Variants in DPH6 observed in about 807,000 individuals in gnomAD.
The protein encoded by DPH6 is diphthine--ammonia ligase.
In DPH6, 33 loss-of-function variants were observed where a neutral mutation model predicts 38.2. The observed-to-expected ratio is 0.86, with a 90% CI of 0.65 to 1.15. The LOEUF is 1.15. Among genes scored for constraint, DPH6 ranks in the 50% most tolerant of loss-of-function variants. DPH6 has a pLI of 0.00. For synonymous variants in DPH6, 108 were observed against 103.0 expected, an observed-to-expected ratio of 1.05 and a Z score of -0.30; for missense variants, 325 against 320.0, an observed-to-expected ratio of 1.02 and a Z score of -0.12.
chr15:35,545,958 C>T (rs1011239514), intron 1 of DPH6, among the ~76,000 whole-genome samples, 161 bp downstream of exon 1: 10 of 149,292 alleles, frequency 6.7e-5, no homozygotes, highest in Non-Finnish European at 1.4e-4. Flanking sequence ...ACATGCGGGC[C>T]GGCAACAGCG....
chr15:35,302,286 G>A (rs1413554028), intron 3 of DPH6, among the ~76,000 whole-genome samples: 1 of 152,016 alleles, frequency 6.6e-6, no homozygotes, highest in Non-Finnish European at 1.5e-5. Flanking sequence ...CCAATTACTA[G>A]CAATCTCTTT....
At chr15:35,283,353 G>A (rs1438455109) in intron 3 of DPH6, among the ~76,000 whole-genome samples, 3 of 151,724 alleles carry the variant, frequency 2.0e-5, no homozygotes, top group East Asian at 1.9e-4. Context: ...CACCCAGGCT[G>A]GAGTGCAATT....
At chr15:35,346,080 G>T (rs901855333) in intron 3 of DPH6, among the ~76,000 whole-genome samples, 1 of 151,912 alleles carries the variant, frequency 6.6e-6, no homozygotes, top group Non-Finnish European at 1.5e-5. Context: ...TCCTTGAGTG[G>T]CCCTGTTCAA....
chr15:35,360,932 G>A (rs1269763562), intron 3 of DPH6, among the ~76,000 whole-genome samples: 1 of 152,182 alleles, frequency 6.6e-6, no homozygotes, highest in Admixed American at 6.5e-5. Flanking sequence ...CAGGTCCTTG[G>A]GTAGGCAGGA....
At chr15:35,231,042 A>G (rs1009163973) in intron 3 of DPH6, among the ~76,000 whole-genome samples, 1 of 152,114 alleles carries the variant, frequency 6.6e-6, no homozygotes, top group Non-Finnish European at 1.5e-5. Flanking sequence ...TGTCCCCTCC[A>G]GTCTACTGTC....
In DPH6 at chr15:35,508,002, T is replaced by C. The variant is rs550301331; in HGVS notation, c.312+30272A>G. On this transcript the variant is annotated intron_variant, in intron 3 of 8. Transcript: ENST00000256538. The stretch of plus-strand genomic sequence containing the variant: ...CGATTTTGTTAAGAGAAAAAACTTT[T>C]TTGAATGTTCCAGGCTTTTAAACCC... Among the ~76,000 whole-genome samples, 12 of 152,264 alleles carry C rather than the reference T, an allele frequency of 7.9e-5. No homozygotes were observed. In the East Asian group the frequency reaches 2.3e-3, roughly 29 times the overall value.
At chr15:35,369,604 C>A (rs1356559241), downstream of DPH6, among the ~76,000 whole-genome samples, 1 of 81,936 alleles carries the variant, frequency 1.2e-5, no homozygotes, top group Non-Finnish European at 2.6e-5. Context: ...AGAATACCAC[C>A]TTAAAGCCTG....
chr15:35,359,731 C>G (rs1281340267), intron 3 of DPH6, among the ~76,000 whole-genome samples: 1 of 152,182 alleles, frequency 6.6e-6, no homozygotes, highest in Non-Finnish European at 1.5e-5. Context: ...GGGGGGACTC[C>G]TGGGTCCTGC....
intron 3 of DPH6, among the ~76,000 whole-genome samples, chr15:35,482,043 T>C (rs888369428): frequency 3.9e-5 from 6 of 152,332 alleles, no homozygotes; most frequent in Admixed American, 2.0e-4. Flanking sequence ...CATCCTTGCC[T>C]GGAGCCACTC....
intron 3 of DPH6, among the ~76,000 whole-genome samples, chr15:35,456,903 T>C (rs2054004390): frequency 6.6e-6 from 1 of 152,206 alleles, no homozygotes; most frequent in Non-Finnish European, 1.5e-5. Context: ...TTTGTATACA[T>C]GCATTCTCTG....
chr15:35,172,851 C>G, the DPH6 span, among the ~76,000 whole-genome samples: 1 of 152,042 alleles, frequency 6.6e-6, no homozygotes, highest in South Asian at 2.1e-4. Flanking sequence ...ACCACCATGC[C>G]CTTCTACCCT....
At chr15:35,159,261 T>A in the DPH6 span, among the ~76,000 whole-genome samples, 3 of 152,078 alleles carry the variant, frequency 2.0e-5, no homozygotes, top group Non-Finnish European at 4.4e-5. Flanking sequence ...GGAACCATGT[T>A]CCCATGTAAG....
intron 5 of DPH6, among the ~76,000 whole-genome samples, chr15:35,435,983 C>T (rs1027260978): frequency 1.3e-5 from 2 of 151,908 alleles, no homozygotes; most frequent in Non-Finnish European, 2.9e-5. Context: ...TTTTCTTTTA[C>T]TATAGCAGTC....
At chr15:35,253,074 T>G (rs2051685154) in intron 3 of DPH6, among the ~76,000 whole-genome samples, 3 of 152,250 alleles carry the variant, frequency 2.0e-5, no homozygotes, top group Admixed American at 2.0e-4. Flanking sequence ...ATTGAAGGCA[T>G]CTGAATGTTA....
chr15:35,413,157 TAAA>T (rs1228235154), intron 5 of DPH6, among the ~76,000 whole-genome samples: 4 of 151,574 alleles, frequency 2.6e-5, no homozygotes, highest in Non-Finnish European at 5.9e-5. Context: ...CAAAATAAAA[TAAA>T]AAAATTTGGT....
chr15:35,443,846 GAT>G (rs75286794), intron 5 of DPH6, among the ~76,000 whole-genome samples: 10,842 of 152,184 alleles, frequency 0.071, 646 homozygotes, highest in African/African-American at 0.16. Context: ...CATACAATGT[GAT>G]ATTTATTTTA....
Position 35,546,162 on chromosome 15 carries a change from G to A in DPH6, c.-21C>T. 7.3e-7 allele frequency: 1 copy of A among 1,360,804 alleles called. No individual in the cohort carries two copies. The highest frequency in any genetic ancestry group is 9.6e-7 in the Non-Finnish European group (1 of 1,044,100). 84.3% of individuals were successfully genotyped at this position (1,360,804 alleles called of 1,614,324 possible). On this transcript the variant is annotated 5_prime_UTR_variant, in exon 1 of 9. In the 5' UTR this introduces an upstream ATG that the reference lacks. Transcript: ENST00000256538. The stretch of plus-strand genomic sequence containing the variant: ...CTCATGCTGGGCGCAGTGCGCGTGC[G>A]TGCGGCGAGCGCGGGCGGGAGCCAG...
At chr15:35,340,940 G>A (rs2052416249) in intron 3 of DPH6, among the ~76,000 whole-genome samples, 1 of 152,130 alleles carries the variant, frequency 6.6e-6, no homozygotes, top group Admixed American at 6.6e-5. Context: ...CTAGGTTGGG[G>A]AAGTTCTCCT....
chr15:35,337,144 G>C (rs2140871794), intron 3 of DPH6, among the ~76,000 whole-genome samples: 1 of 152,292 alleles, frequency 6.6e-6, no homozygotes, highest in African/African-American at 2.4e-5. Context: ...GGTCTATTCA[G>C]AGATTCAACT....
Sources: gnomAD v4.1 joint callset for allele counts (sites outside exome capture counted in the v4.1 genomes callset) on GRCh38, gnomAD v4.1.1 for gene constraint, MANE v1.5 for transcripts, NCBI Gene and HGNC (gene_info 2026-07-23, HGNC 2026-07-21) for gene names.